COL19A1: variants seen among roughly 807,000 people sequenced by gnomAD.
COL19A1 encodes collagen type XIX alpha 1 chain.
In COL19A1, 159 loss-of-function variants were observed where a neutral mutation model predicts 190.2. The ratio of observed to expected loss-of-function variants is 0.84; its 90% confidence interval spans 0.73 to 0.95. The LOEUF (loss-of-function observed/expected upper bound fraction) is 0.95. COL19A1 is among the 40% of genes least tolerant of loss of function. COL19A1 has a pLI of 0.00. For missense variants in COL19A1, 1,418 were observed against 1,431.9 expected, an observed-to-expected ratio of 0.99 and a Z score of 0.16; for synonymous variants, 509 against 458.9, an observed-to-expected ratio of 1.11 and a Z score of -1.39.
chr6:69,899,313 T>C (rs1770004778), intron 3 of COL19A1, among the ~76,000 whole-genome samples: 1 of 151,878 alleles, frequency 6.6e-6, no homozygotes, highest in Admixed American at 6.6e-5. Flanking sequence ...TACAGGCACA[T>C]GGCTATTTTT....
intron 27 of COL19A1, among the ~76,000 whole-genome samples, chr6:70,148,809 A>C (rs2025286): frequency 0.49 from 74,264 of 151,592 alleles, 18,905 homozygotes; most frequent in African/African-American, 0.62. Flanking sequence ...TGCCTGTAAT[A>C]CCAGCTACTC....
chr6:70,079,045 C>T (rs1008202346), intron 15 of COL19A1, among the ~76,000 whole-genome samples: 6 of 152,138 alleles, frequency 3.9e-5, no homozygotes, highest in East Asian at 1.9e-4. Flanking sequence ...CCAGTGTGGG[C>T]GACAAAGGAG....
At chr6:70,064,813 A>G (rs1286019840) in intron 14 of COL19A1, among the ~76,000 whole-genome samples, 2 of 152,164 alleles carry the variant, frequency 1.3e-5, no homozygotes, top group African/African-American at 4.8e-5. Context: ...TACACCAATA[A>G]CAAACAAACA....
At chr6:70,143,465 C>A (rs547540907) in intron 23 of COL19A1, among the ~76,000 whole-genome samples, 1 of 152,084 alleles carries the variant, frequency 6.6e-6, no homozygotes. Flanking sequence ...AAGAAAAATC[C>A]TTGGCCATAA....
At chr6:70,092,798 A>G (rs1783011016) in intron 15 of COL19A1, among the ~76,000 whole-genome samples, 1 of 152,126 alleles carries the variant, frequency 6.6e-6, no homozygotes. Flanking sequence ...AGATTATGTA[A>G]CTCAGAAATA....
chr6:70,063,265 A>G (rs1213870765), intron 14 of COL19A1, among the ~76,000 whole-genome samples: 47 of 152,202 alleles, frequency 3.1e-4, no homozygotes, highest in Admixed American at 3.1e-3. Context: ...AAAGAACAGA[A>G]ATCACAACAA....
At chr6:70,115,983 A>G (rs1784558609) in intron 16 of COL19A1, among the ~76,000 whole-genome samples, 1 of 152,032 alleles carries the variant, frequency 6.6e-6, no homozygotes, top group African/African-American at 2.4e-5. Flanking sequence ...TTTCATTTTG[A>G]GTAAATATTA....
intron 11 of COL19A1, among the ~76,000 whole-genome samples, chr6:69,977,182 G>A: frequency 6.6e-6 from 1 of 152,094 alleles, no homozygotes; most frequent in East Asian, 1.9e-4. Context: ...AACAATGATA[G>A]ACTGGATTAA....
At chr6:70,020,322 C>G (rs1778348468) in intron 11 of COL19A1, among the ~76,000 whole-genome samples, 1 of 151,954 alleles carries the variant, frequency 6.6e-6, no homozygotes, top group Non-Finnish European at 1.5e-5. Flanking sequence ...CTTACAGGTT[C>G]ATAATATTTT....
chr6:70,190,389 T>C lies in COL19A1; in HGVS notation c.3094+8T>C, dbSNP rs140658141. 3.6e-4 allele frequency: 575 copies of C among 1,577,506 alleles called. 5 individuals are homozygous for C. The African/African-American group carries it at 5.2e-3, about 14-fold the overall frequency. ...TCCTAAGGATTTTTGAAGGTTAGAT[T>C]TTCTTAATAACATTTTCGAATTTTT... is the stretch of plus-strand genomic sequence containing the variant. On this transcript the variant is annotated splice_region_variant and intron_variant, in intron 48 of 50. Coordinates refer to ENST00000620364, the MANE Select transcript of COL19A1 (RefSeq NM_001858.6).
At chr6:69,905,438 C>G (rs755859798) in intron 4 of COL19A1, among the ~76,000 whole-genome samples, 3 of 152,200 alleles carry the variant, frequency 2.0e-5, no homozygotes, top group Non-Finnish European at 4.4e-5. Flanking sequence ...AACTGTTTCT[C>G]TCTCTGGGCA....
chr6:70,077,310 T>G (rs1676878934), intron 15 of COL19A1, among the ~76,000 whole-genome samples: 1 of 152,186 alleles, frequency 6.6e-6, no homozygotes, highest in Non-Finnish European at 1.5e-5. Context: ...AGTTGAAAAT[T>G]TATCTTTTAT....
chr6:70,107,310 G>A (rs1208939488), intron 16 of COL19A1, among the ~76,000 whole-genome samples: 1 of 152,112 alleles, frequency 6.6e-6, no homozygotes, highest in African/African-American at 2.4e-5. Context: ...ACAGCGAGAT[G>A]GTATAGGATA....
intron 49 of COL19A1, among the ~76,000 whole-genome samples, chr6:70,200,287 C>T (rs1346967133): frequency 6.6e-6 from 1 of 152,028 alleles, no homozygotes; most frequent in Non-Finnish European, 1.5e-5. Context: ...TTCTTAAAAC[C>T]CAACTTATAT....
intron 35 of COL19A1, 54 bp downstream of exon 35, chr6:70,162,007 CA>C: frequency 6.8e-7 from 1 of 1,481,206 alleles, no homozygotes; most frequent in South Asian, 1.3e-5. Context: ...TGGTTTGATG[CA>C]AGGTGAATTA....
intron 48 of COL19A1, 75 bp downstream of exon 48, chr6:70,190,456 G>C (rs1766795642): frequency 1.0e-6 from 1 of 993,796 alleles, no homozygotes; most frequent in African/African-American, 1.6e-5. Context: ...AATCCCTCCA[G>C]CAACATTCTC....
intron 11 of COL19A1, among the ~76,000 whole-genome samples, chr6:69,987,500 C>G (rs1776376017): frequency 6.6e-6 from 1 of 152,212 alleles, no homozygotes; most frequent in African/African-American, 2.4e-5. Context: ...AAATCTCACA[C>G]TAGAGACTTG....
At chr6:69,942,542 C>A (rs1036772043) in intron 9 of COL19A1, among the ~76,000 whole-genome samples, 2 of 152,040 alleles carry the variant, frequency 1.3e-5, no homozygotes, top group Admixed American at 6.6e-5. Context: ...CCCTTCCCAG[C>A]CCCAGTAACC....
intron 4 of COL19A1, among the ~76,000 whole-genome samples, chr6:69,901,895 C>T (rs759545434): frequency 2.6e-5 from 4 of 152,160 alleles, no homozygotes; most frequent in South Asian, 2.1e-4. Context: ...GCTAATTTTA[C>T]GTAGCTACAC....
Sources: allele counts gnomAD v4.1 joint callset (sites outside exome capture counted in the v4.1 genomes callset), GRCh38; gene constraint gnomAD v4.1.1; transcripts MANE v1.5; gene names NCBI Gene and HGNC (gene_info 2026-07-23, HGNC 2026-07-21).